Variants in ETV6 observed in about 807,000 individuals in gnomAD.
ETV6 encodes ETS variant transcription factor 6.
In ETV6, 16 loss-of-function variants were observed where a neutral mutation model predicts 51.1. The observed-to-expected ratio is 0.31, with a 90% CI of 0.21 to 0.48. The LOEUF (loss-of-function observed/expected upper bound fraction) is 0.48. Ranked by LOEUF, ETV6 falls within the 20% of genes least tolerant of loss-of-function variation. The probability of loss-of-function intolerance (pLI) is 0.99; values close to 1 mark genes in which losing one functional copy is unlikely to be tolerated. For synonymous variants in ETV6, 240 were observed against 224.1 expected (o/e 1.07, Z -0.64); for missense variants, 458 against 594.8 (o/e 0.77, Z 2.39).
chr12:11,655,776 G>T (rs1187025117), intron 1 of ETV6, among the ~76,000 whole-genome samples: 1 of 152,066 alleles, frequency 6.6e-6, no homozygotes, highest in Non-Finnish European at 1.5e-5. Flanking sequence ...CCCAGAGTGT[G>T]GACGAGGGGC....
chr12:11,707,129 A>G (rs1305458061), intron 1 of ETV6, among the ~76,000 whole-genome samples: 1 of 152,228 alleles, frequency 6.6e-6, no homozygotes, highest in Admixed American at 6.5e-5. Context: ...GGAACTCAGA[A>G]GAAAGTAAAC....
In ETV6 at chr12:11,661,576, C is replaced by T. The variant is rs1339439456; in HGVS notation, c.33+11416C>T. ...GGCTGGGTAAGTCTCCTGTTCTCCC[C>T]GACTTTGAGACCTGAATGACCTGAT... is the stretch of plus-strand genomic sequence containing the variant. On this transcript the variant is annotated intron_variant, in intron 1 of 7. Transcript: ENST00000396373. 2.6e-5 allele frequency among the ~76,000 whole-genome samples: 4 copies of T among 152,192 alleles called. No individual in the cohort carries two copies. The South Asian group carries it at 6.2e-4, about 24-fold the overall frequency.
At chr12:11,695,307 T>G (rs1322487236) in intron 1 of ETV6, among the ~76,000 whole-genome samples, 2 of 152,174 alleles carry the variant, frequency 1.3e-5, no homozygotes, top group Non-Finnish European at 2.9e-5. Flanking sequence ...TGGAGAAAGT[T>G]GGAGCCAAGA....
chr12:11,818,339 G>A lies in ETV6; in HGVS notation c.164-20801G>A, dbSNP rs559967569. 7.2e-5 allele frequency among the ~76,000 whole-genome samples: 11 copies of A among 152,206 alleles called. No homozygotes were observed. In the East Asian group the frequency reaches 1.4e-3, roughly 19 times the overall value. ...TTGAGACCAGCCTGGCCAACATGGC[G>A]AAACCCCATCTCTACTAAAAAATAC... On this transcript the variant is annotated intron_variant, in intron 2 of 7. Coordinates refer to ENST00000396373, the MANE Select transcript of ETV6 (RefSeq NM_001987.5).
chr12:11,891,642 A>C lies in ETV6; in HGVS notation c.*596A>C, dbSNP rs1161688954. 1.9e-6 allele frequency: 1 copy of C among 526,036 alleles called. No individual in the cohort carries two copies. Among genetic ancestry groups the C allele is most frequent in the East Asian group, 3.9e-5 (1 of 25,594 alleles). 32.6% of individuals were successfully genotyped at this position (526,036 alleles called of 1,614,324 possible). A position where few individuals can be genotyped will look rare whatever the true frequency, so the allele number is the denominator to read the frequency against. The stretch of plus-strand genomic sequence containing the variant: ...TTAAAAAAGATAAAATGAAAAGGAG[A>C]GCTCTCTTTTTCTCTCTCTTGCTCT... On this transcript the variant is annotated 3_prime_UTR_variant, in exon 8 of 8. Transcript: ENST00000396373.
intron 2 of ETV6, among the ~76,000 whole-genome samples, chr12:11,834,710 C>T (rs1946290135): frequency 6.6e-6 from 1 of 152,180 alleles, no homozygotes; most frequent in South Asian, 2.1e-4. Flanking sequence ...GAAGATCCTT[C>T]AGGAAGTTAC....
intron 7 of ETV6, among the ~76,000 whole-genome samples, chr12:11,890,644 C>T (rs568625287): frequency 6.6e-6 from 1 of 151,746 alleles, no homozygotes; most frequent in South Asian, 2.1e-4. Flanking sequence ...AAGCTGGTCT[C>T]AAACTCCTAG....
intron 2 of ETV6, among the ~76,000 whole-genome samples, chr12:11,838,783 C>G (rs1215916099): frequency 6.6e-6 from 1 of 152,224 alleles, no homozygotes; most frequent in Non-Finnish European, 1.5e-5. Context: ...TGGAACAGCC[C>G]CTGGAACTGG....
At chr12:11,839,827 C>G (rs1056754411) in intron 3 of ETV6, among the ~76,000 whole-genome samples, 1 of 152,168 alleles carries the variant, frequency 6.6e-6, no homozygotes, top group Non-Finnish European at 1.5e-5. Context: ...CTGCAGTGAG[C>G]TGAGATTGCA....
intron 1 of ETV6, among the ~76,000 whole-genome samples, chr12:11,729,476 C>CT (rs1865554640): frequency 6.6e-6 from 1 of 152,256 alleles, no homozygotes; most frequent in Middle Eastern, 3.4e-3. Context: ...TAAATGGACT[C>CT]TCCCCGAATC....
chr12:11,770,177 A>G (rs1446742535), intron 2 of ETV6, among the ~76,000 whole-genome samples: 1 of 152,118 alleles, frequency 6.6e-6, no homozygotes, highest in African/African-American at 2.4e-5. Context: ...GCTCTGGGGA[A>G]AAGGAACAAG....
rs1434961306 is a variant in ETV6, at chr12:11,891,586, G to T, written c.*540G>T. 2 of 533,314 alleles carry T rather than the reference G, an allele frequency of 3.8e-6. No homozygotes were observed. Among genetic ancestry groups the T allele is most frequent in the East Asian group, 3.9e-5 (1 of 25,644 alleles). 33.0% of individuals were successfully genotyped at this position (533,314 alleles called of 1,614,324 possible). On this transcript the variant is annotated 3_prime_UTR_variant, in exon 8 of 8. Coordinates refer to ENST00000396373, the MANE Select transcript of ETV6 (RefSeq NM_001987.5). ...GTGGATCAGGTCTGTTCCTGTTACT[G>T]TTGGGTCTTGGCTGAAAAAAAAAAA...
chr12:11,693,411 T>A (rs1194403419), intron 1 of ETV6, among the ~76,000 whole-genome samples: 1 of 152,120 alleles, frequency 6.6e-6, no homozygotes, highest in Non-Finnish European at 1.5e-5. Context: ...TCTCCCACAA[T>A]AGTCATCTGG....
At chr12:11,694,295 C>T (rs1864830686) in intron 1 of ETV6, among the ~76,000 whole-genome samples, 1 of 152,088 alleles carries the variant, frequency 6.6e-6, no homozygotes, top group South Asian at 2.1e-4. Context: ...GCTCAGTGTC[C>T]TCGGTTGAAA....
intron 2 of ETV6, among the ~76,000 whole-genome samples, chr12:11,805,020 T>C (rs747596926): frequency 7.2e-5 from 11 of 152,184 alleles, no homozygotes; most frequent in Non-Finnish European, 1.6e-4. Flanking sequence ...CCTCCTGAAC[T>C]TGGCGTTCTC....
intron 1 of ETV6, among the ~76,000 whole-genome samples, chr12:11,708,054 T>C (rs1338154621): frequency 6.6e-6 from 1 of 152,250 alleles, no homozygotes; most frequent in African/African-American, 2.4e-5. Context: ...TAATTTTGAA[T>C]GTTCTGTTAT....
chr12:11,885,431 A>C (rs1490010491), intron 6 of ETV6, among the ~76,000 whole-genome samples: 1 of 152,198 alleles, frequency 6.6e-6, no homozygotes, highest in African/African-American at 2.4e-5. Context: ...GCCCAGAACC[A>C]CTGTATTCTT....
intron 2 of ETV6, 24 bp downstream of exon 2, chr12:11,752,603 G>C (rs1392568856): frequency 6.2e-7 from 1 of 1,600,734 alleles, no homozygotes; most frequent in Admixed American, 1.7e-5. Context: ...ACCCGAGAGG[G>C]ACAGAGGATT....
chr12:11,784,898 G>C (rs1945463800), intron 2 of ETV6, among the ~76,000 whole-genome samples: 1 of 124,464 alleles, frequency 8.0e-6, no homozygotes, highest in South Asian at 2.5e-4. Flanking sequence ...GTAGAAATGA[G>C]GTCTCACTAT....
Sources: allele counts gnomAD v4.1 joint callset (sites outside exome capture counted in the v4.1 genomes callset), GRCh38; gene constraint gnomAD v4.1.1; transcripts MANE v1.5; gene names NCBI Gene and HGNC (gene_info 2026-07-23, HGNC 2026-07-21).